Variants in TBK1 observed in about 807,000 individuals in gnomAD.
The protein encoded by TBK1 is serine/threonine-protein kinase TBK1.
TBK1 carries 37 observed loss-of-function variants against 99.9 expected under a neutral mutation model. That is an observed-to-expected ratio of 0.37 (90% CI 0.28 to 0.49). The LOEUF (loss-of-function observed/expected upper bound fraction) is 0.49. Ranked by LOEUF, TBK1 falls within the 20% of genes least tolerant of loss-of-function variation. The probability of loss-of-function intolerance (pLI) is 0.98; values close to 1 mark genes in which losing one functional copy is unlikely to be tolerated. For missense variants in TBK1, 644 were observed against 872.5 expected, an observed-to-expected ratio of 0.74 and a Z score of 3.30; for synonymous variants, 258 against 279.8, an observed-to-expected ratio of 0.92 and a Z score of 0.78.
In TBK1 at chr12:64,473,038, A is replaced by G. The variant is rs1220681893; in HGVS notation, c.541-1192A>G. ...AAATGCACTTACCCTGACAGATTGC[A>G]TTTGAGGGATAAGGCAAAGAAATTA... On this transcript the variant is annotated intron_variant, in intron 5 of 20. Transcript: ENST00000331710. Among the ~76,000 whole-genome samples, 3 of 152,198 alleles carry G rather than the reference A, an allele frequency of 2.0e-5. 1 individual carries two copies. In the East Asian group the frequency reaches 5.8e-4, roughly 29 times the overall value.
chr12:64,482,649 T>C (rs192990453), intron 8 of TBK1, among the ~76,000 whole-genome samples: 1 of 152,350 alleles, frequency 6.6e-6, no homozygotes, highest in Admixed American at 6.5e-5. Context: ...ACCTTTTCTA[T>C]GTTTAGACAT....
intron 11 of TBK1, among the ~76,000 whole-genome samples, chr12:64,488,178 G>A (rs896411276): frequency 3.9e-5 from 6 of 152,114 alleles, no homozygotes; most frequent in Admixed American, 1.3e-4. Flanking sequence ...AATTCTGGTG[G>A]TATAAACTGT....
chr12:64,483,327 C>T (rs1313677268), intron 8 of TBK1, among the ~76,000 whole-genome samples: 1 of 152,156 alleles, frequency 6.6e-6, no homozygotes. Context: ...AAAGGTGACA[C>T]AGTGGAGGCT....
rs542744802 is a variant in TBK1, at chr12:64,469,602, C to G, written c.540+2520C>G. On this transcript the variant is annotated intron_variant, in intron 5 of 20. Transcript: ENST00000331710. ...CAACTTCCTGATTCCTTCACTTTCC[C>G]CAGTTCAGACATTCCCCTTGTCTTT... is the stretch of plus-strand genomic sequence containing the variant. 9.2e-5 allele frequency among the ~76,000 whole-genome samples: 14 copies of G among 152,326 alleles called. No individual in the cohort carries two copies. In the South Asian group the frequency reaches 2.9e-3, roughly 32 times the overall value.
intron 11 of TBK1, among the ~76,000 whole-genome samples, chr12:64,487,771 C>T (rs1037454245): frequency 1.3e-5 from 2 of 152,102 alleles, no homozygotes; most frequent in African/African-American, 4.8e-5. Context: ...TTTGTTTTTA[C>T]AATCTTTAAA....
intron 11 of TBK1, among the ~76,000 whole-genome samples, chr12:64,487,586 TTTCTC>T (rs752493432): frequency 9.9e-5 from 15 of 152,226 alleles, no homozygotes; most frequent in Admixed American, 2.6e-4. Flanking sequence ...CAGTTTTTAT[TTTCTC>T]TTATCTATCG....
In TBK1 at chr12:64,484,416, A is replaced by G. The variant is rs1193293969; in HGVS notation, c.1106A>G (p.His369Arg). ...TTAGAACCTGGAAGGCTGGCACAAC[A>G]TTTCCCTAAAACTACTGAGGAAAAC... Reference protein sequence around the residue: ...LVLEPGRLAQHFPKTTEENPI... With the variant: ...LVLEPGRLAQRFPKTTEENPI... Residue 369 changes from histidine to arginine, a missense_variant, in exon 9 of 21, where the codon CAT becomes CGT. His to Arg is a conservative substitution (Grantham distance 29). This residue lies in a region of TBK1 where 465 missense variants were observed against 588.0 expected (regional missense o/e 0.79). Transcript: ENST00000331710. 1 of 1,614,144 alleles carries G rather than the reference A, an allele frequency of 6.2e-7. No homozygotes were observed.
chr12:64,458,298 A>C (rs1017103067), intron 2 of TBK1, among the ~76,000 whole-genome samples: 2 of 152,050 alleles, frequency 1.3e-5, no homozygotes, highest in African/African-American at 4.8e-5. Context: ...TTTTACCATG[A>C]TATTAGCCCT....
At chr12:64,462,017 G>A (rs1159993794) in intron 3 of TBK1, among the ~76,000 whole-genome samples, 1 of 152,148 alleles carries the variant, frequency 6.6e-6, no homozygotes, top group Non-Finnish European at 1.5e-5. Context: ...CCAAGCCTTT[G>A]GTGTCCAGGG....
At chr12:64,497,898 T>G in intron 19 of TBK1, 70 bp from the exon 20 acceptor site, 2 of 1,489,186 alleles carry the variant, frequency 1.3e-6, no homozygotes, top group Non-Finnish European at 1.9e-6. Flanking sequence ...TAAAAGAAAA[T>G]AAAACATAAA....
chr12:64,481,777 G>T, intron 7 of TBK1, 65 bp from the exon 8 acceptor site: 1 of 1,197,442 alleles, frequency 8.4e-7, no homozygotes, highest in Non-Finnish European at 1.1e-6. Context: ...TAAATACTAT[G>T]ATTTTTTAAC....
intron 20 of TBK1, 96 bp downstream of exon 20, chr12:64,498,135 GTAAAGGGTCA>G: frequency 9.6e-7 from 1 of 1,040,300 alleles, no homozygotes. Context: ...TTCAGCAGTG[GTAAAGGGTCA>G]TAAAGTCAGA....
At chr12:64,481,294 A>G (rs1276325773) in intron 7 of TBK1, among the ~76,000 whole-genome samples, 2 of 152,228 alleles carry the variant, frequency 1.3e-5, no homozygotes, top group African/African-American at 4.8e-5. Context: ...GAACTGCAGC[A>G]TATTTCTGGA....
intron 3 of TBK1, among the ~76,000 whole-genome samples, 155 bp downstream of exon 3, chr12:64,460,484 T>G (rs767066030): frequency 6.6e-6 from 1 of 151,858 alleles, no homozygotes; most frequent in African/African-American, 2.4e-5. Flanking sequence ...TATAGAACAA[T>G]AGAAATAAAA....
intron 3 of TBK1, among the ~76,000 whole-genome samples, chr12:64,463,123 G>A (rs2040564393): frequency 6.6e-6 from 1 of 152,188 alleles, no homozygotes; most frequent in Non-Finnish European, 1.5e-5. Flanking sequence ...TGTAATCCCA[G>A]CACTTTGGGA....
chr12:64,497,784 T>A, intron 19 of TBK1, 30 bp downstream of exon 19: 3 of 1,505,124 alleles, frequency 2.0e-6, no homozygotes, highest in Non-Finnish European at 2.7e-6. Flanking sequence ...GAAACTGTAG[T>A]GTTTCCATTT....
At chr12:64,481,328 A>G (rs1276936928) in intron 7 of TBK1, among the ~76,000 whole-genome samples, 1 of 152,174 alleles carries the variant, frequency 6.6e-6, no homozygotes, top group Non-Finnish European at 1.5e-5. Context: ...TATCTATCGA[A>G]TCAGTCTTTA....
intron 3 of TBK1, among the ~76,000 whole-genome samples, chr12:64,463,018 A>C (rs185739634): frequency 6.6e-6 from 1 of 152,202 alleles, no homozygotes. Context: ...AGTAGTCATC[A>C]TAAGAAAAAT....
At chr12:64,475,662 A>G (rs1485746632) in intron 6 of TBK1, among the ~76,000 whole-genome samples, 3 of 152,218 alleles carry the variant, frequency 2.0e-5, no homozygotes, top group African/African-American at 7.2e-5. Context: ...AAAGGTCTCC[A>G]GCTGCATCCA....
Sources: allele counts gnomAD v4.1 joint callset (sites outside exome capture counted in the v4.1 genomes callset), GRCh38; gene constraint gnomAD v4.1.1; regional missense constraint gnomAD v4.1.1; transcripts MANE v1.5; gene names NCBI Gene and HGNC (gene_info 2026-07-23, HGNC 2026-07-21).